The following SPIRE1 variants were observed in gnomAD, a reference collection of about 807,000 sequenced individuals.
SPIRE1 encodes spire type actin nucleation factor 1.
SPIRE1 carries 40 observed loss-of-function variants against 94.1 expected under a neutral mutation model. The observed-to-expected ratio is 0.43, with a 90% CI of 0.33 to 0.55. The LOEUF (loss-of-function observed/expected upper bound fraction) is 0.55. Among genes scored for constraint, SPIRE1 ranks in the 20% least tolerant of loss-of-function variants. SPIRE1 has a pLI of 0.06. For missense variants in SPIRE1, 838 were observed against 975.2 expected, an observed-to-expected ratio of 0.86 and a Z score of 1.87; for synonymous variants, 376 against 371.7, an observed-to-expected ratio of 1.01 and a Z score of -0.13.
intron 6 of SPIRE1, among the ~76,000 whole-genome samples, chr18:12,498,149 A>G (rs779668594): frequency 2.6e-5 from 4 of 152,228 alleles, no homozygotes; most frequent in Admixed American, 6.5e-5. Flanking sequence ...TTTGAGTATC[A>G]TACTGGCCCT....
At position 12,481,926 on chromosome 18, in the gene SPIRE1, A is replaced by G. The variant is rs142824687; in HGVS notation, c.1232-2055T>C. Among the ~76,000 whole-genome samples the G allele has an allele frequency of 5.2e-3, 789 of 152,282 alleles. 4 individuals are homozygous for G. The highest frequency in any genetic ancestry group is 0.018 in the African/African-American group (749 of 41,554). ...GAAAGCACAAGTATTTCAAACGCACACACCTTCCACCTTTCCTAACCACGT... is the reference window on the plus strand; with the variant it reads ...GAAAGCACAAGTATTTCAAACGCACGCACCTTCCACCTTTCCTAACCACGT... On this transcript the variant is annotated intron_variant, in intron 9 of 16. Coordinates refer to ENST00000409402, the MANE Select transcript of SPIRE1 (RefSeq NM_001128626.2).
At chr18:12,481,741 C>A (rs504863) in intron 9 of SPIRE1, among the ~76,000 whole-genome samples, 113,047 of 152,042 alleles carry the variant, frequency 0.74, 42,621 homozygotes, top group Middle Eastern at 0.93. Context: ...GGACAAAAGG[C>A]AAAAAGCAGC....
At chr18:12,475,628 T>G (rs2032536437) in intron 10 of SPIRE1, among the ~76,000 whole-genome samples, 1 of 152,158 alleles carries the variant, frequency 6.6e-6, no homozygotes, top group South Asian at 2.1e-4. Context: ...TAATGTGACA[T>G]GGGATGTATT....
chr18:12,548,602 T>C (rs2035240320), intron 2 of SPIRE1, among the ~76,000 whole-genome samples: 1 of 141,704 alleles, frequency 7.1e-6, no homozygotes, highest in South Asian at 2.3e-4. Context: ...ATTCTTTTCT[T>C]TCTTTTTTTT....
chr18:12,454,999 G>A (rs8092200), intron 12 of SPIRE1, among the ~76,000 whole-genome samples: 2,524 of 151,610 alleles, frequency 0.017, 50 homozygotes, highest in African/African-American at 0.047. Context: ...GCAGTGATGC[G>A]ATCATGGGTC....
intron 3 of SPIRE1, among the ~76,000 whole-genome samples, chr18:12,545,349 T>C (rs901152578): frequency 1.3e-5 from 2 of 152,188 alleles, no homozygotes; most frequent in African/African-American, 2.4e-5. Context: ...TAATAACTTG[T>C]ATAGTTCTTT....
At position 12,505,318 on chromosome 18, in the gene SPIRE1, G is replaced by A. The variant is rs561700509; in HGVS notation, c.972+1159C>T. Among the ~76,000 whole-genome samples, 5 of 152,282 alleles carry A rather than the reference G, an allele frequency of 3.3e-5. No homozygotes were observed. The South Asian group carries it at 6.2e-4, about 19-fold the overall frequency. ...CCAGCACTTTGGGAGGCGGAGGCAG[G>A]TGGATCACTTGAGCTCTGTTAGGAA... On this transcript the variant is annotated intron_variant, in intron 6 of 16. Transcript: ENST00000409402.
chr18:12,598,892 G>A (rs2036754347), intron 2 of SPIRE1, among the ~76,000 whole-genome samples: 1 of 152,004 alleles, frequency 6.6e-6, no homozygotes, highest in South Asian at 2.1e-4. Flanking sequence ...AAGTTTTTTG[G>A]CATTTTTTTT....
intron 2 of SPIRE1, among the ~76,000 whole-genome samples, chr18:12,591,124 T>C (rs138409928): frequency 0.014 from 2,163 of 152,276 alleles, 57 homozygotes; most frequent in African/African-American, 0.049. Flanking sequence ...GGGTAGTAGT[T>C]TGCAGTTTTA....
intron 2 of SPIRE1, among the ~76,000 whole-genome samples, chr18:12,565,753 T>C (rs906485296): frequency 5.0e-5 from 6 of 121,028 alleles, no homozygotes; most frequent in African/African-American, 1.6e-4. Context: ...CAGAAGTTCT[T>C]GGCCGGGCGC....
At chr18:12,454,526 T>TG (rs1485510402) in intron 12 of SPIRE1, 43 bp from the exon 13 acceptor site, 4 of 1,605,626 alleles carry the variant, frequency 2.5e-6, no homozygotes, top group Non-Finnish European at 3.4e-6. Context: ...TCCTACCCCC[T>TG]GTTCTGGAAG....
chr18:12,531,081 T>C (rs2034668293), intron 4 of SPIRE1, among the ~76,000 whole-genome samples: 1 of 152,198 alleles, frequency 6.6e-6, no homozygotes, highest in Admixed American at 6.5e-5. Flanking sequence ...TTTGTTTATT[T>C]TATAGATAGG....
chr18:12,516,190 A>C (rs1423004670), intron 4 of SPIRE1: 1 of 152,182 alleles, frequency 6.6e-6, no homozygotes, highest in Non-Finnish European at 1.5e-5. Context: ...CCTCTGATAA[A>C]GATCCTTCTG....
At chr18:12,571,521 C>T (rs915129756) in intron 2 of SPIRE1, among the ~76,000 whole-genome samples, 1 of 152,062 alleles carries the variant, frequency 6.6e-6, no homozygotes, top group Non-Finnish European at 1.5e-5. Flanking sequence ...AAGGTGAGTC[C>T]CAACTAAGAA....
intron 2 of SPIRE1, among the ~76,000 whole-genome samples, chr18:12,596,647 G>T (rs1386036876): frequency 6.6e-6 from 1 of 152,038 alleles, no homozygotes; most frequent in East Asian, 1.9e-4. Context: ...ATATTATAAT[G>T]ATTATGGCAT....
chr18:12,483,632 T>C (rs1014451200), intron 9 of SPIRE1, among the ~76,000 whole-genome samples: 12 of 152,150 alleles, frequency 7.9e-5, no homozygotes, highest in Non-Finnish European at 1.8e-4. Context: ...TGATGTTGAA[T>C]AGGTTAAGAT....
At chr18:12,543,729 C>T (rs2035075800) in intron 3 of SPIRE1, among the ~76,000 whole-genome samples, 1 of 152,136 alleles carries the variant, frequency 6.6e-6, no homozygotes, top group Non-Finnish European at 1.5e-5. Flanking sequence ...GAATTGAAAA[C>T]AAATTGTTTC....
chr18:12,474,055 A>G (rs1458017077), intron 10 of SPIRE1, among the ~76,000 whole-genome samples: 2 of 152,204 alleles, frequency 1.3e-5, no homozygotes, highest in African/African-American at 2.4e-5. Context: ...CAAACAAACC[A>G]AAAAAACCCC....
chr18:12,652,402 C>T (rs1197803866), intron 1 of SPIRE1, among the ~76,000 whole-genome samples: 3 of 152,214 alleles, frequency 2.0e-5, no homozygotes, highest in African/African-American at 7.2e-5. Context: ...TGCATAAACA[C>T]TGGAGAAAAT....
Sources: allele counts gnomAD v4.1 joint callset (sites outside exome capture counted in the v4.1 genomes callset), GRCh38; gene constraint gnomAD v4.1.1; transcripts MANE v1.5; gene names NCBI Gene and HGNC (gene_info 2026-07-23, HGNC 2026-07-21).